Variants in PMP22 observed in about 807,000 individuals in gnomAD.
The protein encoded by PMP22 is peripheral myelin protein 22.
PMP22 carries 2 observed loss-of-function variants against 18.9 expected under a neutral mutation model. That is an observed-to-expected ratio of 0.11 (90% CI 0.04 to 0.33). The LOEUF is 0.33. Ranked by LOEUF, PMP22 falls within the 10% of genes least tolerant of loss-of-function variation. The pLI, the probability that PMP22 is intolerant of heterozygous loss-of-function variation, is 1.00. For synonymous variants in PMP22, 95 were observed against 89.2 expected, an observed-to-expected ratio of 1.07 and a Z score of -0.37; for missense variants, 169 against 202.2, an observed-to-expected ratio of 0.84 and a Z score of 1.00.
At chr17:15,234,182 G>C in intron 4 of PMP22, among the ~76,000 whole-genome samples, 1 of 152,128 alleles carries the variant, frequency 6.6e-6, no homozygotes, top group Non-Finnish European at 1.5e-5. Flanking sequence ...GGCTGGCTGT[G>C]GGGTGAGGGA....
At chr17:15,244,400 T>C (rs923291651) in intron 3 of PMP22, among the ~76,000 whole-genome samples, 4 of 152,168 alleles carry the variant, frequency 2.6e-5, no homozygotes, top group Non-Finnish European at 5.9e-5. Context: ...ACAAAAGTAA[T>C]TGTAATTTTT....
In PMP22 at chr17:15,242,546, A is replaced by G. The variant is rs188716283; in HGVS notation, c.179-2935T>C. ...AAGAAAATAAATCATTATGCATATA[A>G]TAACATGGCCTGAAAAAGTTAAAAT... On this transcript the variant is annotated intron_variant, in intron 3 of 4. Coordinates refer to ENST00000312280, the MANE Select transcript of PMP22 (RefSeq NM_000304.4). Among the ~76,000 whole-genome samples, 5 of 152,308 alleles carry G rather than the reference A, an allele frequency of 3.3e-5. No individual in the cohort carries two copies. The East Asian group carries it at 7.7e-4, about 23-fold the overall frequency.
Position 15,230,906 on chromosome 17 carries a change from G to T in PMP22, c.*11C>A, listed in dbSNP as rs772282020. Reference sequence around the variant, plus strand: ...GTACGCTCAGAGCCTCAGACAGACCGTCTGGGCGCCTCATTCGCGTTTCCG... The same window carrying T: ...GTACGCTCAGAGCCTCAGACAGACCTTCTGGGCGCCTCATTCGCGTTTCCG... On this transcript the variant is annotated 3_prime_UTR_variant, in exon 5 of 5. Transcript: ENST00000312280. 13 of 1,613,422 alleles carry T rather than the reference G, an allele frequency of 8.1e-6. No homozygotes were observed. Among genetic ancestry groups the T allele is most frequent in the Admixed American group, 1.7e-5 (1 of 60,010 alleles).
At chr17:15,236,530 T>C (rs1023928931) in intron 4 of PMP22, among the ~76,000 whole-genome samples, 1 of 152,226 alleles carries the variant, frequency 6.6e-6, no homozygotes, top group African/African-American at 2.4e-5. Flanking sequence ...TGCACGCTTG[T>C]AGATTTCACA....
chr17:15,242,844 G>T (rs779313214), intron 3 of PMP22, among the ~76,000 whole-genome samples: 1 of 151,996 alleles, frequency 6.6e-6, no homozygotes, highest in Non-Finnish European at 1.5e-5. Context: ...AATGATGTAG[G>T]CTCAACATAT....
chr17:15,249,135 G>A (rs990675350), intron 3 of PMP22, among the ~76,000 whole-genome samples: 7 of 152,136 alleles, frequency 4.6e-5, no homozygotes, highest in African/African-American at 9.7e-5. Context: ...ACCAATGCCC[G>A]TTTACAAGCA....
At chr17:15,245,343 T>C (rs1328406855) in intron 3 of PMP22, among the ~76,000 whole-genome samples, 1 of 152,178 alleles carries the variant, frequency 6.6e-6, no homozygotes, top group African/African-American at 2.4e-5. Context: ...GCTTTGATCC[T>C]GTCCAAGGTA....
intron 3 of PMP22, among the ~76,000 whole-genome samples, chr17:15,244,821 G>T (rs1482812551): frequency 1.3e-5 from 2 of 152,240 alleles, no homozygotes; most frequent in Non-Finnish European, 2.9e-5. Flanking sequence ...AACTACTGTT[G>T]CAACGAAGAA....
intron 3 of PMP22, among the ~76,000 whole-genome samples, chr17:15,250,129 A>G: frequency 6.6e-6 from 1 of 152,190 alleles, no homozygotes; most frequent in East Asian, 1.9e-4. Context: ...CGTGTTAGCC[A>G]GGATGGTCTC....
Position 15,258,217 on chromosome 17 carries a change from G to A in PMP22, c.178+877C>T, listed in dbSNP as rs1422570386. On this transcript the variant is annotated intron_variant, in intron 3 of 4. Coordinates refer to ENST00000312280, the MANE Select transcript of PMP22 (RefSeq NM_000304.4). This position sits in a 1 kb window ranked among gnomAD's most constrained non-coding sequence, Gnocchi z 4.1. ...TATCTCTAGGTCCTTCCAGCCTGAG[G>A]ACACATCTTCTGGAACAAAAGATCA... Among the ~76,000 whole-genome samples, 1 of 152,110 alleles carries A rather than the reference G, an allele frequency of 6.6e-6. No individual in the cohort carries two copies. The highest frequency in any genetic ancestry group is 1.5e-5 in the Non-Finnish European group (1 of 68,038).
At chr17:15,234,805 C>A (rs1906651969) in intron 4 of PMP22, among the ~76,000 whole-genome samples, 1 of 149,232 alleles carries the variant, frequency 6.7e-6, no homozygotes, top group African/African-American at 2.5e-5. Context: ...TCCCCCCCCA[C>A]CAAATTCTTT....
chr17:15,244,046 G>T (rs1907578267), intron 3 of PMP22, among the ~76,000 whole-genome samples: 1 of 151,886 alleles, frequency 6.6e-6, no homozygotes, highest in Non-Finnish European at 1.5e-5. Flanking sequence ...TAAATCTCTA[G>T]TTCGCATCAT....
rs536617174 is a variant in PMP22, at chr17:15,244,848, C to G, written c.179-5237G>C. Among the ~76,000 whole-genome samples the G allele has an allele frequency of 5.5e-4, 83 of 152,290 alleles. 2 individuals carry two copies. The highest frequency in any genetic ancestry group is 3.4e-3 in the Middle Eastern group (1 of 294). The stretch of plus-strand genomic sequence containing the variant: ...AACGAAGAAGAGTTTGGTCAAGAAG[C>G]CTTTCAGTTGAGGATATTTTCATGT... On this transcript the variant is annotated intron_variant, in intron 3 of 4. Transcript: ENST00000312280.
chr17:15,261,604 C>T lies in PMP22; in HGVS notation c.-34-843G>A, dbSNP rs980083820. On this transcript the variant is annotated intron_variant, in intron 1 of 4. Transcript: ENST00000312280. The surrounding 1 kb of genome is among the most constrained non-coding windows in gnomAD (Gnocchi z 5.2). The stretch of plus-strand genomic sequence containing the variant: ...AGGCACTCAAAGCCAGGACACGAAC[C>T]CCAACAAGCCTGAGCTCCGGTCTGG... 1 of 152,338 alleles carries T rather than the reference C, an allele frequency of 6.6e-6. No individual in the cohort carries two copies. The allele number at this position is 152,338 out of a possible 1,614,324, so 9.4% of individuals were successfully genotyped here.
chr17:15,243,546 G>T (rs59365068), intron 3 of PMP22, among the ~76,000 whole-genome samples: 5,068 of 151,456 alleles, frequency 0.033, 304 homozygotes, highest in African/African-American at 0.12. Context: ...TAAAACCAAT[G>T]AGTCAAGATA....
At chr17:15,245,940 G>C (rs1907766432) in intron 3 of PMP22, among the ~76,000 whole-genome samples, 1 of 151,618 alleles carries the variant, frequency 6.6e-6, no homozygotes, top group Non-Finnish European at 1.5e-5. Context: ...GTGAACCCTG[G>C]AGGCGGAGCT....
chr17:15,239,931 T>A (rs905439732), intron 3 of PMP22, among the ~76,000 whole-genome samples: 1 of 152,198 alleles, frequency 6.6e-6, no homozygotes, highest in Admixed American at 6.5e-5. Flanking sequence ...CAAATATGCA[T>A]ACAAATATGT....
chr17:15,239,556 C>A lies in PMP22; in HGVS notation c.234G>T (p.Leu78=), dbSNP rs745546543. Residue 78 remains leucine (L), a synonymous_variant, in exon 4 of 5, where the codon CTG becomes CTT. Transcript: ENST00000312280. ...GTTGGCAGAAGAACAGGAACAGAGACAGAATGCTGAAGATGATCGACAGGA... is the reference window on the plus strand; with the variant it reads ...GTTGGCAGAAGAACAGGAACAGAGAAAGAATGCTGAAGATGATCGACAGGA... ...TMILSIIFSI[L]SLFLFFCQLF... 3 of 1,613,910 alleles carry A rather than the reference C, an allele frequency of 1.9e-6. No homozygotes were observed. The highest frequency in any genetic ancestry group is 2.5e-6 in the Non-Finnish European group (3 of 1,179,898).
In PMP22 at chr17:15,231,031, C is replaced by T. The variant is rs558210039; in HGVS notation, c.369G>A (p.Glu123=). 9.3e-6 allele frequency: 15 copies of T among 1,614,142 alleles called. No homozygotes were observed. In the South Asian group the frequency reaches 1.3e-4, roughly 14 times the overall value. The change falls in exon 5 of 5, where the codon GAG becomes GAA. Residue 123 remains glutamate (E), a synonymous_variant. Coordinates refer to ENST00000312280, the MANE Select transcript of PMP22 (RefSeq NM_000304.4). ...AAAIYTVRHP[E]WHLNSDYSYG... is the part of the protein sequence containing the mutation. ...AGGAGTAATCCGAGTTGAGATGCCA[C>T]TCCGGGTGCCTCACCGTGTAGATGG...
Sources: allele counts gnomAD v4.1 joint callset (sites outside exome capture counted in the v4.1 genomes callset), GRCh38; gene constraint gnomAD v4.1.1; non-coding constraint Gnocchi (gnomAD v3.1); transcripts MANE v1.5; gene names NCBI Gene and HGNC (gene_info 2026-07-23, HGNC 2026-07-21).